NAV2: variants seen among roughly 807,000 people sequenced by gnomAD.
NAV2 encodes the protein neuron navigator 2, also known as helicase, APC down-regulated 1.
In NAV2, 54 loss-of-function variants were observed where a neutral mutation model predicts 223.2. The observed-to-expected ratio is 0.24, with a 90% CI of 0.19 to 0.30. NAV2 has a LOEUF of 0.30. NAV2 is among the 10% of genes least tolerant of loss of function. The pLI is 1.00. For synonymous variants in NAV2, 1,279 were observed against 1,239.3 expected, an observed-to-expected ratio of 1.03 and a Z score of -0.67; for missense variants, 2,806 against 3,147.5, an observed-to-expected ratio of 0.89 and a Z score of 2.60.
At position 19,745,429 on chromosome 11, in the gene NAV2, C is replaced by A. The variant is rs58165753; in HGVS notation, c.267+31467C>A. Among the ~76,000 whole-genome samples, 231 of 152,330 alleles carry A rather than the reference C, an allele frequency of 1.5e-3. 2 individuals carry two copies. In the East Asian group the frequency reaches 0.042, roughly 28 times the overall value. ...GCTCCTAAGCATTGTGCCTACTCTG[C>A]CTAATGGGTAAGTTGGCCCTCGATT... On this transcript the variant is annotated intron_variant, in intron 1 of 37. Transcript: ENST00000349880.
chr11:19,451,681 G>T (rs1851794496), intron 1 of NAV2, among the ~76,000 whole-genome samples: 1 of 152,250 alleles, frequency 6.6e-6, no homozygotes, highest in Admixed American at 6.5e-5. Context: ...TGAAAGGCCT[G>T]CCTGTCCTGA....
chr11:19,754,710 G>T (rs1472252634), intron 1 of NAV2, among the ~76,000 whole-genome samples: 3 of 152,086 alleles, frequency 2.0e-5, no homozygotes, highest in Non-Finnish European at 4.4e-5. Context: ...TGAACCAAAG[G>T]AATCCATGAT....
intron 1 of NAV2, among the ~76,000 whole-genome samples, chr11:19,548,876 C>CAAAAAA (rs10709105): frequency 1.1e-4 from 9 of 78,610 alleles, no homozygotes; most frequent in African/African-American, 3.5e-4. Flanking sequence ...GGCTCCGTCT[C>CAAAAAA]AAAAAAAAAA....
At chr11:20,036,456 G>A (rs2056383883) in intron 12 of NAV2, among the ~76,000 whole-genome samples, 2 of 152,294 alleles carry the variant, frequency 1.3e-5, no homozygotes, top group South Asian at 2.1e-4. Flanking sequence ...CTTATTTGCC[G>A]CAGCAAGCCA....
chr11:19,535,339 G>A (rs1406962499), intron 1 of NAV2, among the ~76,000 whole-genome samples: 2 of 152,160 alleles, frequency 1.3e-5, no homozygotes. Flanking sequence ...GGGAGTAGAA[G>A]AGGAGTCCCC....
At chr11:19,861,536 C>T (rs899329329) in intron 3 of NAV2, among the ~76,000 whole-genome samples, 1 of 152,148 alleles carries the variant, frequency 6.6e-6, no homozygotes, top group African/African-American at 2.4e-5. Flanking sequence ...TAATGACAAC[C>T]ACCACCCTAG....
chr11:19,773,133 A>G (rs2055854442), intron 1 of NAV2, among the ~76,000 whole-genome samples: 1 of 152,184 alleles, frequency 6.6e-6, no homozygotes, highest in African/African-American at 2.4e-5. Flanking sequence ...GATGAGCAAG[A>G]TGGACAGTCC....
At chr11:20,031,367 G>A (rs2055713366) in intron 11 of NAV2, among the ~76,000 whole-genome samples, 1 of 152,178 alleles carries the variant, frequency 6.6e-6, no homozygotes, top group Non-Finnish European at 1.5e-5. Context: ...TTTGTCACTT[G>A]ATTAGATTCA....
At chr11:19,771,659 T>A (rs1255093686) in intron 1 of NAV2, among the ~76,000 whole-genome samples, 4 of 151,970 alleles carry the variant, frequency 2.6e-5, no homozygotes, top group African/African-American at 9.7e-5. Context: ...TTAAACCCTG[T>A]CAAGGGAACA....
intron 1 of NAV2, among the ~76,000 whole-genome samples, chr11:19,626,675 C>T (rs573390383): frequency 2.0e-4 from 30 of 152,044 alleles, no homozygotes; most frequent in Non-Finnish European, 3.7e-4. Flanking sequence ...GGATGTCTTT[C>T]CAGTTGTTTG....
chr11:19,396,172 A>G (rs146568675), intron 1 of NAV2, among the ~76,000 whole-genome samples: 1 of 152,302 alleles, frequency 6.6e-6, no homozygotes, highest in Non-Finnish European at 1.5e-5. Flanking sequence ...GAAAATACAG[A>G]GGAGAGAGGA....
chr11:19,585,223 A>G (rs1174889645), intron 1 of NAV2, among the ~76,000 whole-genome samples: 1 of 151,054 alleles, frequency 6.6e-6, no homozygotes, highest in African/African-American at 2.4e-5. Flanking sequence ...TTTCTTTTCC[A>G]TTTGCTTGGT....
At chr11:19,467,697 G>A (rs1379024237) in intron 1 of NAV2, among the ~76,000 whole-genome samples, 1 of 152,222 alleles carries the variant, frequency 6.6e-6, no homozygotes, top group Non-Finnish European at 1.5e-5. Context: ...GCATCTTGCT[G>A]CCAGAATCAG....
intron 10 of NAV2, among the ~76,000 whole-genome samples, chr11:19,967,343 T>A (rs1199686017): frequency 6.6e-6 from 1 of 152,062 alleles, no homozygotes; most frequent in Non-Finnish European, 1.5e-5. Context: ...AGCTAGACAA[T>A]ATCAAGCTCT....
intron 1 of NAV2, among the ~76,000 whole-genome samples, chr11:19,764,581 T>C (rs181588152): frequency 1.4e-3 from 210 of 152,354 alleles, no homozygotes; most frequent in Non-Finnish European, 2.4e-3. Context: ...ATTTTTTCCT[T>C]ATAGGTTGTT....
intron 11 of NAV2, chr11:20,023,074 T>C (rs1467155177): frequency 6.4e-7 from 1 of 1,551,704 alleles, no homozygotes; most frequent in South Asian, 1.2e-5. Flanking sequence ...AGCTTCTTTG[T>C]CCGCTGTTCT....
At chr11:19,361,364 A>C (rs919570490) in intron 1 of NAV2, among the ~76,000 whole-genome samples, 1 of 151,930 alleles carries the variant, frequency 6.6e-6, no homozygotes, top group African/African-American at 2.4e-5. Context: ...CCAGCATGTC[A>C]CCTCTCGAGT....
intron 1 of NAV2, among the ~76,000 whole-genome samples, chr11:19,793,213 AAAAAAAAAAAAAAAAAG>A (rs1206108477): frequency 3.7e-5 from 5 of 134,862 alleles, no homozygotes; most frequent in Non-Finnish European, 3.1e-5. Context: ...TCTCAAAAAA[AAAAAAAAAAAAAAAAAG>A]AAAGAAAGAA....
intron 1 of NAV2, among the ~76,000 whole-genome samples, chr11:19,668,965 C>T (rs1397231963): frequency 6.6e-6 from 1 of 152,182 alleles, no homozygotes; most frequent in Non-Finnish European, 1.5e-5. Context: ...GGATTTTCAT[C>T]TCTTGTCCAT....
Sources: allele counts gnomAD v4.1 joint callset (sites outside exome capture counted in the v4.1 genomes callset), GRCh38; gene constraint gnomAD v4.1.1; transcripts MANE v1.5; gene names NCBI Gene and HGNC (gene_info 2026-07-23, HGNC 2026-07-21).